Variants in ITGA11 observed in about 807,000 individuals in gnomAD.
ITGA11 encodes integrin subunit alpha 11.
In ITGA11, 97 loss-of-function variants were observed where a neutral mutation model predicts 141.9. The observed-to-expected ratio is 0.68, with a 90% confidence interval of 0.58 to 0.81. The LOEUF is 0.81. Among genes scored for constraint, ITGA11 ranks in the 30% least tolerant of loss-of-function variants. ITGA11 has a pLI of 0.00. For missense variants in ITGA11, 1,387 were observed against 1,559.2 expected, an observed-to-expected ratio of 0.89 and a Z score of 1.86; for synonymous variants, 658 against 624.6, an observed-to-expected ratio of 1.05 and a Z score of -0.80.
chr15:68,391,216 A>G (rs1896112451), intron 2 of ITGA11, among the ~76,000 whole-genome samples: 2 of 152,148 alleles, frequency 1.3e-5, no homozygotes, highest in South Asian at 4.2e-4. Context: ...GGGGTCCCCA[A>G]GGCCACCCTC....
chr15:68,396,246 C>G (rs1447038424), intron 2 of ITGA11, among the ~76,000 whole-genome samples: 5 of 119,178 alleles, frequency 4.2e-5, no homozygotes, highest in Non-Finnish European at 8.8e-5. Flanking sequence ...AAGAAAATAT[C>G]AATCCAATCA....
rs1300436169 is a variant in ITGA11 at position 68,326,236 on chromosome 15, T to G, written c.2211+418A>C. Among the ~76,000 whole-genome samples the G allele has an allele frequency of 1.3e-5, 2 of 152,220 alleles. No homozygotes were observed. The highest frequency in any genetic ancestry group is 2.4e-5 in the African/African-American group (1 of 41,444). On this transcript the variant is annotated intron_variant, in intron 17 of 29. Coordinates refer to ENST00000315757, the MANE Select transcript of ITGA11 (RefSeq NM_001004439.2). This position sits in a 1 kb window ranked among gnomAD's most constrained non-coding sequence, Gnocchi z 6.8. ...TGGGGCACCAGGCCACTACCCTACTTGTGACATCACTGGCGCCCCTCTCTG... is the reference window on the plus strand; with the variant it reads ...TGGGGCACCAGGCCACTACCCTACTGGTGACATCACTGGCGCCCCTCTCTG...
At chr15:68,311,712 G>C (rs1385207773) in intron 24 of ITGA11, among the ~76,000 whole-genome samples, 2 of 152,232 alleles carry the variant, frequency 1.3e-5, no homozygotes, top group African/African-American at 2.4e-5. Context: ...CTTGCCTGGG[G>C]TGGGGATTTT....
At chr15:68,420,484 C>T (rs1173026027) in intron 1 of ITGA11, among the ~76,000 whole-genome samples, 5 of 152,178 alleles carry the variant, frequency 3.3e-5, no homozygotes, top group African/African-American at 7.2e-5. Context: ...CATTTGTAAG[C>T]GATGCTCAAT....
rs565652853 is a variant in ITGA11, at chr15:68,312,084, T to TA, written c.2974-682dup. 8.9e-4 allele frequency among the ~76,000 whole-genome samples: 135 copies of TA among 152,352 alleles called. 2 individuals are homozygous for TA. In the Middle Eastern group the frequency reaches 0.034, roughly 38 times the overall value. On this transcript the variant is annotated intron_variant, in intron 24 of 29. Coordinates refer to ENST00000315757, the MANE Select transcript of ITGA11 (RefSeq NM_001004439.2). ...ACAGCCTAAGAGAAGCTGATGAACTTACAGCTGTTCAGGGCTGAGGGAGCT... is the reference window on the plus strand; with the variant it reads ...ACAGCCTAAGAGAAGCTGATGAACTTAACAGCTGTTCAGGGCTGAGGGAGCT...
chr15:68,352,285 C>T (rs547994093), intron 7 of ITGA11, among the ~76,000 whole-genome samples: 13 of 151,150 alleles, frequency 8.6e-5, no homozygotes, highest in African/African-American at 1.9e-4. Flanking sequence ...CTCTTCCTCC[C>T]GGGTTCAAGC....
At chr15:68,378,262 C>T (rs1595884272) in intron 2 of ITGA11, among the ~76,000 whole-genome samples, 1 of 61,062 alleles carries the variant, frequency 1.6e-5, no homozygotes, top group Non-Finnish European at 3.2e-5. Context: ...ATAGTGGCTG[C>T]ACAGTGTTAT....
intron 4 of ITGA11, among the ~76,000 whole-genome samples, chr15:68,364,074 T>C (rs1006516583): frequency 1.1e-4 from 17 of 152,240 alleles, no homozygotes; most frequent in African/African-American, 3.9e-4. Flanking sequence ...ATTGTTTAAA[T>C]GAATGAATGT....
chr15:68,383,936 T>G (rs181549244), intron 2 of ITGA11, among the ~76,000 whole-genome samples: 1 of 152,170 alleles, frequency 6.6e-6, no homozygotes, highest in East Asian at 1.9e-4. Context: ...AGATGCTGAG[T>G]TGGCAAACCC....
chr15:68,364,946 C>G, intron 3 of ITGA11, 148 bp from the exon 4 acceptor site: 1 of 888,366 alleles, frequency 1.1e-6, no homozygotes, highest in East Asian at 2.7e-5. Flanking sequence ...AGGCCTTCCC[C>G]AGACGTACTC....
At chr15:68,343,521 G>A (rs760054001) in intron 10 of ITGA11, among the ~76,000 whole-genome samples, 46 of 152,246 alleles carry the variant, frequency 3.0e-4, no homozygotes, top group Non-Finnish European at 1.8e-4. Flanking sequence ...CAGTAGTCAC[G>A]GAATTAGGAT....
At chr15:68,379,853 A>G (rs907376470) in intron 2 of ITGA11, among the ~76,000 whole-genome samples, 3 of 152,212 alleles carry the variant, frequency 2.0e-5, no homozygotes, top group African/African-American at 7.2e-5. Flanking sequence ...AGCAGAATGT[A>G]CAGCTTTAAT....
At chr15:68,376,226 C>CT (rs1454400546) in intron 2 of ITGA11, among the ~76,000 whole-genome samples, 1 of 43,988 alleles carries the variant, frequency 2.3e-5, no homozygotes, top group Non-Finnish European at 6.0e-5. Flanking sequence ...TTGTTCTCCT[C>CT]TCTTTTTTTT....
At chr15:68,360,520 C>T (rs907106643) in intron 5 of ITGA11, among the ~76,000 whole-genome samples, 13 of 152,138 alleles carry the variant, frequency 8.5e-5, no homozygotes, top group Admixed American at 4.6e-4. Context: ...TGCACATACT[C>T]CTACTGAATT....
chr15:68,372,008 C>T (rs533547280), intron 2 of ITGA11, among the ~76,000 whole-genome samples: 3 of 152,274 alleles, frequency 2.0e-5, no homozygotes, highest in African/African-American at 4.8e-5. Context: ...GGCTTACTGT[C>T]GCCATAATAT....
intron 2 of ITGA11, among the ~76,000 whole-genome samples, chr15:68,376,862 C>A (rs1895742212): frequency 6.6e-6 from 1 of 152,214 alleles, no homozygotes; most frequent in Non-Finnish European, 1.5e-5. Flanking sequence ...GTTCCTGAAC[C>A]CCACCTCCAG....
At chr15:68,372,313 G>A (rs1035809827) in intron 2 of ITGA11, among the ~76,000 whole-genome samples, 3 of 151,792 alleles carry the variant, frequency 2.0e-5, no homozygotes, top group African/African-American at 7.3e-5. Context: ...ATTGCCTGGG[G>A]TCTGGCAGCC....
chr15:68,326,869 G>A lies in ITGA11; in HGVS notation c.2069-73C>T, dbSNP rs1893992052. 1 of 1,487,226 alleles carries A rather than the reference G, an allele frequency of 6.7e-7. No individual in the cohort carries two copies. Among genetic ancestry groups the A allele is most frequent in the East Asian group, 2.5e-5 (1 of 40,056 alleles). 92.1% of individuals were successfully genotyped at this position (1,487,226 alleles called of 1,614,324 possible). A position where few individuals can be genotyped will look rare whatever the true frequency, so the allele number is the denominator to read the frequency against. ...ATCCAAGACTGTCTGCCTCCTCCAG[G>A]AAGCCCCCCAGGCTGGCCAGGGGAG... On this transcript the variant is annotated intron_variant, in intron 16 of 29. Transcript: ENST00000315757. The surrounding 1 kb of genome is among the most constrained non-coding windows in gnomAD (Gnocchi z 6.8).
intron 26 of ITGA11, among the ~76,000 whole-genome samples, chr15:68,310,602 C>A (rs991507630): frequency 6.6e-6 from 1 of 152,216 alleles, no homozygotes; most frequent in African/African-American, 2.4e-5. Context: ...GTCTCCAATA[C>A]AAGCCACGTG....
Sources: gnomAD v4.1 joint callset for allele counts (sites outside exome capture counted in the v4.1 genomes callset) on GRCh38, gnomAD v4.1.1 for gene constraint, Gnocchi (gnomAD v3.1) non-coding constraint, MANE v1.5 for transcripts, NCBI Gene and HGNC (gene_info 2026-07-23, HGNC 2026-07-21) for gene names.